Variants in YIPF1 observed in about 807,000 individuals in gnomAD.
YIPF1 encodes the protein protein YIPF1.
Under a neutral mutation model 37.0 loss-of-function variants are expected in YIPF1, and 22 were observed. The observed-to-expected ratio is 0.59, with a 90% CI of 0.42 to 0.85. The LOEUF (loss-of-function observed/expected upper bound fraction) is 0.85. YIPF1 is among the 40% of genes least tolerant of loss of function. The probability of loss-of-function intolerance (pLI) is 0.00; values close to 1 mark genes in which losing one functional copy is unlikely to be tolerated. For missense variants in YIPF1, 355 were observed against 373.1 expected (o/e 0.95, Z 0.40); for synonymous variants, 128 against 131.9 (o/e 0.97, Z 0.21).
intron 7 of YIPF1, 31 bp from the exon 8 acceptor site, chr1:53,866,955 C>A: frequency 6.3e-7 from 1 of 1,590,280 alleles, no homozygotes. Flanking sequence ...GTTTCAATCT[C>A]CATCATGCCT....
intron 9 of YIPF1, among the ~76,000 whole-genome samples, chr1:53,863,552 T>C (rs1234020122): frequency 6.6e-6 from 1 of 152,204 alleles, no homozygotes; most frequent in Non-Finnish European, 1.5e-5. Context: ...GCAAGTCTCT[T>C]GCCTAGGTTT....
chr1:53,851,959 C>A lies in YIPF1; in HGVS notation c.*320G>T, dbSNP rs1453258821. Reference sequence around the variant, plus strand: ...TTCTATTTCAGGTATTAAGGTACCACAGTGAAGCATGTCATTTGACTGTGG... The same window carrying A: ...TTCTATTTCAGGTATTAAGGTACCAAAGTGAAGCATGTCATTTGACTGTGG... On this transcript the variant is annotated 3_prime_UTR_variant, in exon 11 of 11. Coordinates refer to ENST00000072644, the MANE Select transcript of YIPF1 (RefSeq NM_018982.5). 6.6e-6 allele frequency: 1 copy of A among 152,224 alleles called. No homozygotes were observed. The highest frequency in any genetic ancestry group is 1.9e-4 in the East Asian group (1 of 5,204). The allele number at this position is 152,224 out of a possible 1,614,324, so 9.4% of individuals were successfully genotyped here.
chr1:53,867,459 G>A (rs554701105), intron 7 of YIPF1, among the ~76,000 whole-genome samples: 46 of 140,286 alleles, frequency 3.3e-4, no homozygotes, highest in African/African-American at 9.6e-4. Context: ...TGCAAGCTCC[G>A]CCTCCCGGGT....
At chr1:53,880,550 G>A (rs372837432) in intron 4 of YIPF1, among the ~76,000 whole-genome samples, 1 of 152,060 alleles carries the variant, frequency 6.6e-6, no homozygotes, top group South Asian at 2.1e-4. Flanking sequence ...CACGGAATTA[G>A]AAAAAAACTA....
Position 53,878,632 on chromosome 1 carries a change from G to C in YIPF1, c.276+10C>G. The C allele has an allele frequency of 6.3e-7, 1 of 1,598,296 alleles. No homozygotes were observed. Among genetic ancestry groups the C allele is most frequent in the Non-Finnish European group, 8.5e-7 (1 of 1,176,754 alleles). On this transcript the variant is annotated intron_variant, in intron 5 of 10. Transcript: ENST00000072644. ...ACCCGTAAAAGGAAAGGTGAAATTG[G>C]TTTCCAAACCTGGTAGGTGTCCACA... is the stretch of plus-strand genomic sequence containing the variant.
In YIPF1 at chr1:53,869,657, G is replaced by GCCAATCT. The variant is rs1650124993; in HGVS notation, c.481+1708_481+1714dup. On this transcript the variant is annotated intron_variant, in intron 7 of 10. Transcript: ENST00000072644. ...CGAGGGAACTGAGAAAGTGGTACAG[G>GCCAATCT]CCAATCTCCGACAAAGCCAAACTTC... Among the ~76,000 whole-genome samples the GCCAATCT allele has an allele frequency of 2.0e-5, 3 of 152,102 alleles. No individual in the cohort carries two copies. In the South Asian group the frequency reaches 6.2e-4, roughly 32 times the overall value.
At chr1:53,856,133 A>G (rs1286045020) in intron 10 of YIPF1, among the ~76,000 whole-genome samples, 3 of 152,318 alleles carry the variant, frequency 2.0e-5, no homozygotes, top group African/African-American at 7.2e-5. Flanking sequence ...GGGAGGCTGC[A>G]AAGAAGCTGT....
chr1:53,870,329 C>T (rs982101990), intron 7 of YIPF1, among the ~76,000 whole-genome samples: 1 of 151,620 alleles, frequency 6.6e-6, no homozygotes, highest in South Asian at 2.1e-4. Context: ...CACCACCATA[C>T]CCGGTAACTT....
chr1:53,877,669 G>A (rs7548793), intron 6 of YIPF1, among the ~76,000 whole-genome samples: 58,753 of 151,992 alleles, frequency 0.39, 11,589 homozygotes, highest in East Asian at 0.57. Context: ...CAGCTCATCT[G>A]AGGGCAGAGC....
chr1:53,854,473 C>A (rs1649671062), intron 10 of YIPF1, among the ~76,000 whole-genome samples: 1 of 152,166 alleles, frequency 6.6e-6, no homozygotes, highest in Non-Finnish European at 1.5e-5. Context: ...GACTCCTGAC[C>A]ATTTTTGGCT....
intron 10 of YIPF1, among the ~76,000 whole-genome samples, chr1:53,859,470 C>A (rs1388538168): frequency 6.6e-6 from 1 of 152,116 alleles, no homozygotes; most frequent in African/African-American, 2.4e-5. Context: ...TCAAGACCAG[C>A]CTGGCCAGCA....
rs1161556296 is a variant in YIPF1, at chr1:53,878,855, C to T, written c.196-133G>A. 118 of 739,866 alleles carry T rather than the reference C, an allele frequency of 1.6e-4. 1 individual carries two copies. Among genetic ancestry groups the T allele is most frequent in the Non-Finnish European group, 2.4e-4 (117 of 492,888 alleles). The allele number at this position is 739,866 out of a possible 1,614,324, so 45.8% of individuals were successfully genotyped here. ...CAATAGGCTCTTCCACATTCAATAACCAACTCTGAAATAGCCAATTCGCAA... is the reference window on the plus strand; with the variant it reads ...CAATAGGCTCTTCCACATTCAATAATCAACTCTGAAATAGCCAATTCGCAA... On this transcript the variant is annotated intron_variant, in intron 4 of 10. Coordinates refer to ENST00000072644, the MANE Select transcript of YIPF1 (RefSeq NM_018982.5).
chr1:53,852,415 TCTTGAGG>T (rs1276623947), intron 10 of YIPF1, 145 bp from the exon 11 acceptor site: 1 of 152,110 alleles, frequency 6.6e-6, no homozygotes, highest in African/African-American at 2.4e-5. Context: ...ATTCCCTAAA[TCTTGAGG>T]CTTGAGTCTA....
chr1:53,859,306 G>GT (rs2100719904), intron 10 of YIPF1, among the ~76,000 whole-genome samples: 1 of 152,334 alleles, frequency 6.6e-6, no homozygotes, highest in Non-Finnish European at 1.5e-5. Flanking sequence ...AGCCATTAGT[G>GT]TTTCAAGCAC....
chr1:53,884,380 A>G lies in YIPF1; in HGVS notation c.32-1104T>C, dbSNP rs144057023. On this transcript the variant is annotated intron_variant, in intron 3 of 10. Coordinates refer to ENST00000072644, the MANE Select transcript of YIPF1 (RefSeq NM_018982.5). Reference sequence around the variant, plus strand: ...ATGATCATTCATTTATTCAACAAATATTTACTGCATGCCCACAATGTGCCA... The same window carrying G: ...ATGATCATTCATTTATTCAACAAATGTTTACTGCATGCCCACAATGTGCCA... Among the ~76,000 whole-genome samples the G allele has an allele frequency of 9.8e-5, 15 of 152,324 alleles. No homozygotes were observed. In the East Asian group the frequency reaches 2.7e-3, roughly 27 times the overall value.
Position 53,876,616 on chromosome 1 carries a change from A to G in YIPF1, c.364+1699T>C, listed in dbSNP as rs144272946. On this transcript the variant is annotated intron_variant, in intron 6 of 10. Coordinates refer to ENST00000072644, the MANE Select transcript of YIPF1 (RefSeq NM_018982.5). ...GGCAGTATAGCATAGTGATGAAGAA[A>G]TGGATTATGAGCTACAGTGTTGATT... Among the ~76,000 whole-genome samples, 18 of 152,328 alleles carry G rather than the reference A, an allele frequency of 1.2e-4. No individual in the cohort carries two copies. In the East Asian group the frequency reaches 3.5e-3, roughly 29 times the overall value.
chr1:53,858,171 C>T (rs1649773649), intron 10 of YIPF1, among the ~76,000 whole-genome samples: 1 of 152,082 alleles, frequency 6.6e-6, no homozygotes, highest in South Asian at 2.1e-4. Context: ...TTGATTCTAA[C>T]ATCGCATACC....
At chr1:53,888,526 G>A (rs1021806894) in intron 3 of YIPF1, among the ~76,000 whole-genome samples, 1 of 152,142 alleles carries the variant, frequency 6.6e-6, no homozygotes, top group African/African-American at 2.4e-5. Context: ...TCATCCTAAT[G>A]ATCTTTTTAC....
At chr1:53,857,591 TAGTC>T (rs1649752323) in intron 10 of YIPF1, among the ~76,000 whole-genome samples, 1 of 152,204 alleles carries the variant, frequency 6.6e-6, no homozygotes, top group African/African-American at 2.4e-5. Context: ...TAGGTGATCT[TAGTC>T]AGCCCAGATT....
Sources: gnomAD v4.1 joint callset for allele counts (sites outside exome capture counted in the v4.1 genomes callset) on GRCh38, gnomAD v4.1.1 for gene constraint, MANE v1.5 for transcripts, NCBI Gene and HGNC (gene_info 2026-07-23, HGNC 2026-07-21) for gene names.